The following LETM2 variants were observed in gnomAD, a reference collection of about 807,000 sequenced individuals.
LETM2 encodes LETM1 domain-containing protein LETM2, mitochondrial.
Under a neutral mutation model 59.6 loss-of-function variants are expected in LETM2, and 58 were observed. That is an observed-to-expected ratio of 0.97 (90% CI 0.79 to 1.21). The LOEUF (loss-of-function observed/expected upper bound fraction) is 1.21. LETM2 is among the 50% of genes most tolerant of loss of function. The pLI is 0.00. For synonymous variants in LETM2, 199 were observed against 214.1 expected (o/e 0.93, Z 0.62); for missense variants, 572 against 575.7 (o/e 0.99, Z 0.07).
rs565681328 is a variant in LETM2 at position 38,408,359 on chromosome 8, T to C, written c.*85T>C. ...GTAAAGGACCTCCCAGATAAGACTG[T>C]CTGGCTTCAGAGAGCGGATCAGCTG... On this transcript the variant is annotated 3_prime_UTR_variant, in exon 11 of 11. Transcript: ENST00000379957. 1.1e-5 allele frequency: 13 copies of C among 1,208,064 alleles called. No homozygotes were observed. Among genetic ancestry groups the C allele is most frequent in the Admixed American group, 8.0e-5 (4 of 50,136 alleles). The allele number at this position is 1,208,064 out of a possible 1,614,324, so 74.8% of individuals were successfully genotyped here. A position where few individuals can be genotyped will look rare whatever the true frequency, so the allele number is the denominator to read the frequency against.
chr8:38,391,212 C>CAAAAAAAAAAAA (rs1381418029), intron 2 of LETM2, among the ~76,000 whole-genome samples: 1 of 120,118 alleles, frequency 8.3e-6, no homozygotes, highest in Non-Finnish European at 1.8e-5. Context: ...AAAAAAAAAC[C>CAAAAAAAAAAAA]AAAAAACTGA....
chr8:38,402,577 C>A lies in LETM2; in HGVS notation c.1037C>A (p.Ala346Asp), dbSNP rs199861550. 68 of 1,613,956 alleles carry A rather than the reference C, an allele frequency of 4.2e-5. No individual in the cohort carries two copies. The East Asian group carries it at 1.4e-3, about 34-fold the overall frequency. Residue 346 changes from alanine to aspartate, a missense_variant, in exon 7 of 11, where the codon GCC (alanine) becomes GAC (aspartate). Transcript: ENST00000379957. ...TTGAGTGTATCAGAACTACAGGCTG[C>A]CTGTAGGGCCCGAGGGATGAGATCA... ...TALSVSELQA[A>D]CRARGMRSLG...
intron 2 of LETM2, among the ~76,000 whole-genome samples, chr8:38,392,167 G>C (rs1215592198): frequency 6.6e-6 from 1 of 151,964 alleles, no homozygotes; most frequent in Non-Finnish European, 1.5e-5. Flanking sequence ...GCTCATGCCT[G>C]TAATTCCAGT....
At position 38,407,042 on chromosome 8, in the gene LETM2, A is replaced by T; in HGVS notation, c.1311+4A>T. On this transcript the variant is annotated splice_donor_region_variant and intron_variant, in intron 9 of 10. Transcript: ENST00000379957. ...ACCTCAACTGAAGGGAACTAAGGTT[A>T]GACAGTTACTTTCCATTTGGTTAAT... is the stretch of plus-strand genomic sequence containing the variant. 3.2e-6 allele frequency: 5 copies of T among 1,567,914 alleles called. No homozygotes were observed. The highest frequency in any genetic ancestry group is 4.4e-6 in the Non-Finnish European group (5 of 1,139,682).
chr8:38,394,308 A>C, intron 4 of LETM2, 67 bp downstream of exon 4: 1 of 962,874 alleles, frequency 1.0e-6, no homozygotes. Context: ...TTTACAGAAA[A>C]CTTGGGCAGA....
intron 5 of LETM2, chr8:38,400,623 A>T: frequency 1.5e-6 from 1 of 655,948 alleles, no homozygotes; most frequent in Non-Finnish European, 2.5e-6. Flanking sequence ...GAAGACATTG[A>T]TAACTTCTTG....
At chr8:38,408,057 G>A (rs1215191575) in intron 10 of LETM2, 155 bp from the exon 11 acceptor site, 37 of 609,016 alleles carry the variant, frequency 6.1e-5, no homozygotes, top group Non-Finnish European at 1.1e-4. Context: ...CTTGTTTTTT[G>A]TAAATCTCCT....
At chr8:38,392,402 G>A in intron 2 of LETM2, 140 bp from the exon 3 acceptor site, 1 of 622,418 alleles carries the variant, frequency 1.6e-6, no homozygotes, top group Non-Finnish European at 2.8e-6. Context: ...TCCAGCCTGG[G>A]CAATGGGAGT....
chr8:38,404,415 A>G lies in LETM2; in HGVS notation c.1127A>G (p.Glu376Gly), dbSNP rs1813531738. The change falls in exon 8 of 11, where the codon GAG becomes GGG. Residue 376 changes from glutamate to glycine, a missense_variant. Transcript: ENST00000379957. ...LTEWQDLHLK[E>G]NVPPSLLLLS... is the part of the protein sequence containing the mutation. Reference sequence around the variant, plus strand: ...CAGTGGCAGGACCTCCACCTGAAGGAGAACGTCCCTCCTTCCCTTTTGCTC... The same window carrying G: ...CAGTGGCAGGACCTCCACCTGAAGGGGAACGTCCCTCCTTCCCTTTTGCTC... 6.2e-7 allele frequency: 1 copy of G among 1,613,552 alleles called. No individual in the cohort carries two copies. Among genetic ancestry groups the G allele is most frequent in the African/African-American group, 1.3e-5 (1 of 74,892 alleles).
Position 38,400,373 on chromosome 8 carries a change from C to T in LETM2, c.747C>T (p.Gly249=), listed in dbSNP as rs1449445815. ...EMARRNRAKM[G]DASTQLSSYV... ...CAAGGAGGAACAGAGCCAAGATGGG[C>T]GATGCCTCTACACAGCTCTCATCCT... is the stretch of plus-strand genomic sequence containing the variant. Residue 249 remains glycine, a synonymous_variant, in exon 5 of 11, where the codon GGC becomes GGT. Transcript: ENST00000379957. The T allele has an allele frequency of 3.7e-6, 6 of 1,612,944 alleles. No homozygotes were observed. Among genetic ancestry groups the T allele is most frequent in the East Asian group, 2.2e-5 (1 of 44,848 alleles).
chr8:38,388,094 T>A (rs1811919416), intron 2 of LETM2, 64 bp downstream of exon 2: 4 of 1,171,736 alleles, frequency 3.4e-6, no homozygotes, highest in Non-Finnish European at 3.6e-6. Flanking sequence ...TTTTTTTTTT[T>A]TTCTGAGATG....
chr8:38,394,005 G>A, intron 3 of LETM2, 93 bp from the exon 4 acceptor site: 1 of 1,070,962 alleles, frequency 9.3e-7, no homozygotes, highest in Middle Eastern at 2.4e-4. Context: ...GAAAGAAAAT[G>A]AAACAAGACA....
intron 9 of LETM2, 31 bp downstream of exon 9, chr8:38,407,069 A>T (rs766512430): frequency 5.0e-6 from 7 of 1,402,584 alleles, no homozygotes; most frequent in African/African-American, 2.9e-5. Flanking sequence ...TTGGTTAATT[A>T]GATTAAAAAA....
chr8:38,397,246 G>T (rs1812762324), intron 4 of LETM2: 1 of 427,856 alleles, frequency 2.3e-6, no homozygotes, highest in Middle Eastern at 5.4e-4. Context: ...GCACAATCTT[G>T]GCTCACTGCA....
Position 38,392,862 on chromosome 8 carries a change from G to A in LETM2, c.368G>A (p.Arg123Lys). The A allele has an allele frequency of 6.2e-7, 1 of 1,614,082 alleles. No homozygotes were observed. The highest frequency in any genetic ancestry group is 8.5e-7 in the Non-Finnish European group (1 of 1,180,032). ...ATTAAAGAAGGCAAACAATCTTATA[G>A]ACAAAAAATCATGGATGAACTAAAA... ...MEIKEGKQSYRQKIMDELKYY... is the reference protein window; with the variant it reads ...MEIKEGKQSYKQKIMDELKYY... The change falls in exon 3 of 11, where the codon AGA (arginine) becomes AAA (lysine). Residue 123 changes from arginine to lysine, a missense_variant. By Grantham distance (26) the Arg-to-Lys change is conservative (BLOSUM62 2). Coordinates refer to ENST00000379957, the MANE Select transcript of LETM2 (RefSeq NM_001286819.2).
chr8:38,400,368 A>G lies in LETM2; in HGVS notation c.742A>G (p.Met248Val). ...TEMARRNRAK[M>V]GDASTQLSSY... is the part of the protein sequence containing the mutation. ...AATGGCAAGGAGGAACAGAGCCAAG[A>G]TGGGCGATGCCTCTACACAGCTCTC... The change falls in exon 5 of 11, where the codon ATG becomes GTG. Residue 248 changes from methionine (M) to valine (V), a missense_variant. Transcript: ENST00000379957. 1.9e-6 allele frequency: 3 copies of G among 1,613,578 alleles called. No individual in the cohort carries two copies. In the East Asian group the frequency reaches 6.7e-5, roughly 36 times the overall value.
In LETM2 at chr8:38,408,170, C is replaced by T. The variant is rs527542881; in HGVS notation, c.1414-42C>T. The T allele has an allele frequency of 7.5e-5, 114 of 1,523,790 alleles. No individual in the cohort carries two copies. The Middle Eastern group carries it at 1.0e-3, about 14-fold the overall frequency. 94.4% of individuals were successfully genotyped at this position (1,523,790 alleles called of 1,614,324 possible). On this transcript the variant is annotated intron_variant, in intron 10 of 10. Transcript: ENST00000379957. ...AGCATTCACTCCTTAAGAACTTACACGTCTGTGACTAATGCCTACAGTCCT... is the reference window on the plus strand; with the variant it reads ...AGCATTCACTCCTTAAGAACTTACATGTCTGTGACTAATGCCTACAGTCCT...
intron 2 of LETM2, among the ~76,000 whole-genome samples, chr8:38,390,207 G>A (rs1812113144): frequency 6.6e-6 from 1 of 151,944 alleles, no homozygotes; most frequent in Non-Finnish European, 1.5e-5. Flanking sequence ...AACCAAGCCA[G>A]GCATGGTGCA....
chr8:38,390,102 T>A (rs1386691939), intron 2 of LETM2, among the ~76,000 whole-genome samples: 1 of 151,384 alleles, frequency 6.6e-6, no homozygotes, highest in Non-Finnish European at 1.5e-5. Context: ...GGGCCTGTAG[T>A]CCTAGCTACT....
Sources: gnomAD v4.1 joint callset for allele counts (sites outside exome capture counted in the v4.1 genomes callset) on GRCh38, gnomAD v4.1.1 for gene constraint, MANE v1.5 for transcripts, NCBI Gene and HGNC (gene_info 2026-07-23, HGNC 2026-07-21) for gene names.